Variants in CACNA1C observed in about 807,000 individuals in gnomAD.
CACNA1C encodes the protein voltage-dependent L-type calcium channel subunit alpha-1C.
CACNA1C carries 30 observed loss-of-function variants against 229.0 expected under a neutral mutation model. The ratio of observed to expected loss-of-function variants is 0.13; its 90% confidence interval spans 0.10 to 0.18. CACNA1C has a LOEUF of 0.18. Ranked by LOEUF, CACNA1C falls within the 10% of genes least tolerant of loss-of-function variation. The pLI, the probability that CACNA1C is intolerant of heterozygous loss-of-function variation, is 1.00. For missense variants in CACNA1C, 1,658 were observed against 2,845.0 expected (o/e 0.58, Z 9.49); for synonymous variants, 1,114 against 1,132.5 (o/e 0.98, Z 0.33).
At chr12:2,406,355 C>G (rs2098737179) in intron 3 of CACNA1C, among the ~76,000 whole-genome samples, 1 of 152,016 alleles carries the variant, frequency 6.6e-6, no homozygotes, top group Admixed American at 6.6e-5. Flanking sequence ...GCCCCATCCT[C>G]CTCTTTCTCT....
At chr12:2,329,739 A>T (rs962196854) in intron 3 of CACNA1C, among the ~76,000 whole-genome samples, 2 of 152,232 alleles carry the variant, frequency 1.3e-5, no homozygotes, top group African/African-American at 4.8e-5. Context: ...AGAGGAGAAT[A>T]AAGTAGGAAA....
chr12:2,334,202 G>A (rs2096628106), intron 3 of CACNA1C, among the ~76,000 whole-genome samples: 1 of 152,216 alleles, frequency 6.6e-6, no homozygotes, highest in African/African-American at 2.4e-5. Flanking sequence ...GTGGGTGGAA[G>A]CCATTTGGCC....
intron 3 of CACNA1C, among the ~76,000 whole-genome samples, chr12:2,237,231 C>T (rs2067766227): frequency 6.6e-6 from 1 of 152,146 alleles, no homozygotes; most frequent in African/African-American, 2.4e-5. Flanking sequence ...AATATACGTT[C>T]AAGCAAAAAG....
intron 9 of CACNA1C, among the ~76,000 whole-genome samples, chr12:2,520,717 C>T (rs1038326406): frequency 6.1e-5 from 8 of 131,148 alleles, no homozygotes; most frequent in South Asian, 2.6e-4. Flanking sequence ...GACCAATGGC[C>T]GTGTGCTTCA....
At chr12:2,148,078 G>C (rs1430059021) in intron 3 of CACNA1C, among the ~76,000 whole-genome samples, 2 of 151,130 alleles carry the variant, frequency 1.3e-5, no homozygotes, top group Non-Finnish European at 3.0e-5. Flanking sequence ...ATTTTTGAAA[G>C]GATTAGCATT....
intron 5 of CACNA1C, among the ~76,000 whole-genome samples, chr12:2,473,854 C>G (rs2099605644): frequency 6.6e-6 from 1 of 152,030 alleles, no homozygotes; most frequent in Non-Finnish European, 1.5e-5. Context: ...GTGATTTGAG[C>G]CAGAATTAGA....
upstream of CACNA1C, chr12:2,052,893 CCGGGCGGG>C (rs530020760): frequency 0.012 from 8,650 of 733,878 alleles, 87 homozygotes; most frequent in African/African-American, 0.024. Context: ...CTCCGGCGCG[CCGGGCGGG>C]CGGGCGGGCG....
intron 3 of CACNA1C, among the ~76,000 whole-genome samples, chr12:2,147,937 G>A (rs1279088772): frequency 1.3e-5 from 2 of 151,108 alleles, no homozygotes; most frequent in Non-Finnish European, 3.0e-5. Context: ...CAGTACATCT[G>A]GTAACAGGAG....
At chr12:2,454,462 A>G (rs1475702910) in intron 4 of CACNA1C, among the ~76,000 whole-genome samples, 1 of 151,924 alleles carries the variant, frequency 6.6e-6, no homozygotes, top group Non-Finnish European at 1.5e-5. Flanking sequence ...CCCTGCCACC[A>G]TGTCCACCCT....
At chr12:2,415,695 G>A (rs528781789) in intron 3 of CACNA1C, among the ~76,000 whole-genome samples, 2 of 152,228 alleles carry the variant, frequency 1.3e-5, no homozygotes, top group East Asian at 1.9e-4. Context: ...CTGTGTGTTC[G>A]GGGCCTTCCT....
At chr12:2,369,407 T>TTTTTTG (rs2097794779) in intron 3 of CACNA1C, among the ~76,000 whole-genome samples, 1 of 151,532 alleles carries the variant, frequency 6.6e-6, no homozygotes, top group Non-Finnish European at 1.5e-5. Flanking sequence ...ACATACCTTT[T>TTTTTTG]TTTTTTTTTG....
intron 18 of CACNA1C, among the ~76,000 whole-genome samples, chr12:2,591,656 A>T (rs920009956): frequency 2.0e-5 from 3 of 152,186 alleles, no homozygotes; most frequent in African/African-American, 7.2e-5. Context: ...GAGAGAGAGC[A>T]TGAGGAAGGA....
At chr12:2,506,753 A>T (rs1198400605) in intron 8 of CACNA1C, among the ~76,000 whole-genome samples, 1 of 152,206 alleles carries the variant, frequency 6.6e-6, no homozygotes. Flanking sequence ...GAGATCTATG[A>T]TGAATGAGCT....
At chr12:2,526,281 C>A (rs1375083081) in intron 9 of CACNA1C, among the ~76,000 whole-genome samples, 1 of 152,220 alleles carries the variant, frequency 6.6e-6, no homozygotes, top group African/African-American at 2.4e-5. Context: ...CACACCCTAC[C>A]CCATGTGGGG....
At chr12:1,999,363 A>G (rs2154478239) in intron 1 of CACNA1C, among the ~76,000 whole-genome samples, 1 of 152,348 alleles carries the variant, frequency 6.6e-6, no homozygotes, top group Middle Eastern at 3.4e-3. Flanking sequence ...ATCATTACCT[A>G]GTAACAAAAT....
At chr12:2,202,296 C>T (rs1174520907) in intron 3 of CACNA1C, among the ~76,000 whole-genome samples, 1 of 152,160 alleles carries the variant, frequency 6.6e-6, no homozygotes, top group Non-Finnish European at 1.5e-5. Context: ...AGCTGAGGCC[C>T]GCACGCTTTG....
At chr12:2,533,033 T>G (rs1468239250) in intron 9 of CACNA1C, among the ~76,000 whole-genome samples, 1 of 152,130 alleles carries the variant, frequency 6.6e-6, no homozygotes, top group African/African-American at 2.4e-5. Context: ...AATTACAGAA[T>G]AGTTCTAAGA....
At chr12:2,392,283 A>G (rs2098497782) in intron 3 of CACNA1C, among the ~76,000 whole-genome samples, 3 of 152,238 alleles carry the variant, frequency 2.0e-5, no homozygotes, top group Admixed American at 2.0e-4. Context: ...TGCTACCATC[A>G]TAACCACTTC....
At chr12:2,112,847 C>T (rs2082300707) in intron 1 of CACNA1C, among the ~76,000 whole-genome samples, 1 of 152,132 alleles carries the variant, frequency 6.6e-6, no homozygotes, top group South Asian at 2.1e-4. Context: ...AATCAATTGG[C>T]ATAAAAGTTG....
Sources: allele counts gnomAD v4.1 joint callset (sites outside exome capture counted in the v4.1 genomes callset), GRCh38; gene constraint gnomAD v4.1.1; transcripts MANE v1.5; gene names NCBI Gene and HGNC (gene_info 2026-07-23, HGNC 2026-07-21).